Variants in LRMDA observed in about 807,000 individuals in gnomAD.
The protein encoded by LRMDA is leucine rich melanocyte differentiation associated.
In LRMDA, 18 loss-of-function variants were observed where a neutral mutation model predicts 29.8. The observed-to-expected ratio is 0.60, with a 90% CI of 0.42 to 0.90. The LOEUF (loss-of-function observed/expected upper bound fraction) is 0.90, where lower values mean the gene tolerates loss of function less well. Among genes scored for constraint, LRMDA ranks in the 40% least tolerant of loss-of-function variants. The probability of loss-of-function intolerance (pLI) is 0.00; values close to 1 mark genes in which losing one functional copy is unlikely to be tolerated. For missense variants in LRMDA, 273 were observed against 273.9 expected (o/e 1.00, Z 0.02); for synonymous variants, 125 against 109.4 (o/e 1.14, Z -0.89).
intron 2 of LRMDA, among the ~76,000 whole-genome samples, chr10:75,580,678 G>C (rs999166538): frequency 2.0e-5 from 3 of 152,122 alleles, no homozygotes; most frequent in African/African-American, 4.8e-5. Flanking sequence ...ATACTACAAG[G>C]CTACAGTAAC....
At chr10:75,930,757 T>G (rs745595507) in intron 2 of LRMDA, among the ~76,000 whole-genome samples, 3 of 152,244 alleles carry the variant, frequency 2.0e-5, no homozygotes, top group African/African-American at 7.2e-5. Context: ...GTTGCTGGAA[T>G]GTTTTTGTGA....
chr10:76,293,041 T>G (rs575209578), intron 5 of LRMDA, among the ~76,000 whole-genome samples: 2 of 152,198 alleles, frequency 1.3e-5, no homozygotes, highest in African/African-American at 4.8e-5. Context: ...CAATCTCGGC[T>G]CGGCTCACTG....
intron 2 of LRMDA, among the ~76,000 whole-genome samples, chr10:75,774,453 T>C (rs1319747882): frequency 6.6e-6 from 1 of 152,170 alleles, no homozygotes; most frequent in African/African-American, 2.4e-5. Context: ...TAATTAATAA[T>C]ATTATGTATC....
chr10:76,226,112 A>G (rs973365901), intron 5 of LRMDA, among the ~76,000 whole-genome samples: 5 of 151,930 alleles, frequency 3.3e-5, no homozygotes, highest in African/African-American at 1.2e-4. Context: ...ACATTTTCTT[A>G]ATCCAGAGAC....
intron 2 of LRMDA, among the ~76,000 whole-genome samples, chr10:75,875,428 GTTTTTC>G (rs926353758): frequency 1.3e-5 from 2 of 151,978 alleles, no homozygotes; most frequent in Non-Finnish European, 2.9e-5. Flanking sequence ...TTCCTTTTCT[GTTTTTC>G]TTTTTCTTTT....
intron 6 of LRMDA, among the ~76,000 whole-genome samples, chr10:76,536,987 T>C (rs1247361321): frequency 6.6e-6 from 1 of 152,246 alleles, no homozygotes; most frequent in Non-Finnish European, 1.5e-5. Context: ...AAGAGCTTTC[T>C]TTCTTCCCTT....
intron 2 of LRMDA, among the ~76,000 whole-genome samples, chr10:75,508,267 C>T (rs537928973): frequency 4.6e-4 from 70 of 152,028 alleles, no homozygotes; most frequent in African/African-American, 1.7e-3. Context: ...GTGTTTTTTT[C>T]CCCCCCTCTC....
At chr10:75,477,394 G>T (rs1844808610) in intron 2 of LRMDA, among the ~76,000 whole-genome samples, 1 of 152,130 alleles carries the variant, frequency 6.6e-6, no homozygotes, top group Non-Finnish European at 1.5e-5. Context: ...TCTTTTGGGG[G>T]ATGGGTACAA....
chr10:75,514,014 C>G (rs1388544435), intron 2 of LRMDA, among the ~76,000 whole-genome samples: 1 of 152,140 alleles, frequency 6.6e-6, no homozygotes, highest in African/African-American at 2.4e-5. Flanking sequence ...AGGAGCTTTC[C>G]TGAACTTCTG....
intron 6 of LRMDA, among the ~76,000 whole-genome samples, chr10:76,539,321 C>T (rs1046900980): frequency 2.0e-5 from 3 of 152,248 alleles, no homozygotes; most frequent in South Asian, 2.1e-4. Context: ...GTGAGGTACT[C>T]ACAGCACAGG....
At chr10:76,240,918 A>G (rs1157172179) in intron 5 of LRMDA, among the ~76,000 whole-genome samples, 1 of 151,870 alleles carries the variant, frequency 6.6e-6, no homozygotes, top group East Asian at 1.9e-4. Flanking sequence ...ACCCCATGGA[A>G]TACTACTTAG....
chr10:75,841,457 C>T (rs530429501), intron 2 of LRMDA, among the ~76,000 whole-genome samples: 1 of 152,226 alleles, frequency 6.6e-6, no homozygotes, highest in African/African-American at 2.4e-5. Context: ...CCACCCAAAC[C>T]TTGAGAGCCC....
intron 5 of LRMDA, among the ~76,000 whole-genome samples, chr10:76,203,908 C>G (rs376174776): frequency 5.3e-5 from 8 of 150,178 alleles, no homozygotes; most frequent in African/African-American, 2.0e-4. Context: ...ACCCATCTCT[C>G]CATGTGCCCG....
At chr10:75,433,363 A>G (rs141449453) in intron 1 of LRMDA, among the ~76,000 whole-genome samples, 1 of 152,140 alleles carries the variant, frequency 6.6e-6, no homozygotes, top group Non-Finnish European at 1.5e-5. Flanking sequence ...AAACAGCCCA[A>G]GGGCATTCAT....
At chr10:76,367,115 A>G (rs1246132097) in intron 6 of LRMDA, among the ~76,000 whole-genome samples, 1 of 152,182 alleles carries the variant, frequency 6.6e-6, no homozygotes, top group Admixed American at 6.5e-5. Flanking sequence ...ACTTGATCAT[A>G]GTGGATTTTC....
At chr10:75,542,308 T>C (rs925454010) in intron 2 of LRMDA, among the ~76,000 whole-genome samples, 1 of 152,086 alleles carries the variant, frequency 6.6e-6, no homozygotes, top group African/African-American at 2.4e-5. Flanking sequence ...CCCTAAACCC[T>C]TGGGACGCTT....
intron 2 of LRMDA, among the ~76,000 whole-genome samples, chr10:75,670,858 C>T (rs922795868): frequency 1.3e-5 from 2 of 152,128 alleles, no homozygotes; most frequent in African/African-American, 2.4e-5. Context: ...GGGGACTCTG[C>T]GGACTCATGC....
intron 6 of LRMDA, among the ~76,000 whole-genome samples, chr10:76,528,717 A>G (rs1300602841): frequency 6.6e-6 from 1 of 152,138 alleles, no homozygotes; most frequent in Non-Finnish European, 1.5e-5. Context: ...TTAAGAAAAT[A>G]CTGTCCTATA....
At chr10:76,176,620 C>A (rs1850941307) in intron 5 of LRMDA, among the ~76,000 whole-genome samples, 1 of 152,116 alleles carries the variant, frequency 6.6e-6, no homozygotes, top group Admixed American at 6.5e-5. Context: ...ATGGTGAAAC[C>A]CCGTCTCTAC....
Sources: gnomAD v4.1 joint callset for allele counts (sites outside exome capture counted in the v4.1 genomes callset) on GRCh38, gnomAD v4.1.1 for gene constraint, MANE v1.5 for transcripts, NCBI Gene and HGNC (gene_info 2026-07-23, HGNC 2026-07-21) for gene names.